Variants in GRM7 observed in about 807,000 individuals in gnomAD.
GRM7 encodes the protein metabotropic glutamate receptor 7.
A neutral mutation model predicts 84.5 loss-of-function variants in GRM7; 35 were observed. That is an observed-to-expected ratio of 0.41 (90% CI 0.32 to 0.55). GRM7 has a LOEUF of 0.55. Ranked by LOEUF, GRM7 falls within the 20% of genes least tolerant of loss-of-function variation. The pLI is 0.19. For synonymous variants in GRM7, 487 were observed against 455.1 expected (o/e 1.07, Z -0.89); for missense variants, 1,003 against 1,194.6 (o/e 0.84, Z 2.36).
chr3:6,966,277 G>T (rs151102194), intron 1 of GRM7, among the ~76,000 whole-genome samples: 3 of 152,288 alleles, frequency 2.0e-5, no homozygotes, highest in African/African-American at 7.2e-5. Context: ...TGAAAGAGTT[G>T]TGACAATGTA....
chr3:7,478,150 C>A (rs1216895573), intron 7 of GRM7, among the ~76,000 whole-genome samples: 3 of 152,048 alleles, frequency 2.0e-5, no homozygotes, highest in African/African-American at 7.2e-5. Context: ...ATTTTTCTTT[C>A]TTCTGCTCAC....
chr3:7,373,797 C>T (rs1694234738), intron 4 of GRM7, among the ~76,000 whole-genome samples: 2 of 152,178 alleles, frequency 1.3e-5, no homozygotes, highest in Non-Finnish European at 2.9e-5. Context: ...ACAGACCGTT[C>T]TGTGATGGTG....
chr3:7,178,828 C>G (rs1022954857), intron 2 of GRM7, among the ~76,000 whole-genome samples: 1 of 152,060 alleles, frequency 6.6e-6, no homozygotes, highest in African/African-American at 2.4e-5. Flanking sequence ...TGCCTGTAAT[C>G]CCAGCACTTT....
rs867775009 is a variant in GRM7 at position 7,410,608 on chromosome 3, C to T, written c.1034-4415C>T. ...ATATATATATATATATACACACACA[C>T]ACACACACACACACACAAATACACA... On this transcript the variant is annotated intron_variant, in intron 4 of 9. Transcript: ENST00000357716. Among the ~76,000 whole-genome samples, 798 of 148,334 alleles carry T rather than the reference C, an allele frequency of 5.4e-3. 6 individuals are homozygous for T. The highest frequency in any genetic ancestry group is 0.021 in the South Asian group (97 of 4,718).
At chr3:7,575,194 C>T (rs182508371) in intron 7 of GRM7, among the ~76,000 whole-genome samples, 29 of 152,268 alleles carry the variant, frequency 1.9e-4, no homozygotes, top group Admixed American at 1.9e-3. Context: ...GATCTCAGCC[C>T]TTCCCCAGGA....
At chr3:7,655,257 A>C (rs950932333) in intron 8 of GRM7, among the ~76,000 whole-genome samples, 9 of 152,236 alleles carry the variant, frequency 5.9e-5, no homozygotes, top group African/African-American at 1.9e-4. Flanking sequence ...AAGAGAAAAC[A>C]ATTTCTTGCA....
intron 7 of GRM7, among the ~76,000 whole-genome samples, chr3:7,558,994 A>G (rs1287585834): frequency 6.6e-6 from 1 of 152,154 alleles, no homozygotes; most frequent in Admixed American, 6.5e-5. Context: ...CCCTAATAGA[A>G]TTATTTTGGT....
intron 5 of GRM7, among the ~76,000 whole-genome samples, chr3:7,427,814 A>T (rs1368554673): frequency 2.6e-5 from 4 of 152,198 alleles, no homozygotes; most frequent in South Asian, 4.1e-4. Flanking sequence ...CAATCTGCAC[A>T]AGGTCACACA....
intron 1 of GRM7, among the ~76,000 whole-genome samples, chr3:7,048,180 A>C (rs576607280): frequency 3.3e-5 from 5 of 152,142 alleles, no homozygotes; most frequent in African/African-American, 9.6e-5. Context: ...GAGATAAGCA[A>C]AGTAACAGAT....
intron 8 of GRM7, among the ~76,000 whole-genome samples, chr3:7,638,895 C>G (rs781724797): frequency 1.3e-4 from 20 of 152,154 alleles, no homozygotes; most frequent in Non-Finnish European, 2.6e-4. Context: ...GGCAGAATCT[C>G]CCAAATGCTT....
At chr3:6,871,813 G>A (rs542965709) in intron 1 of GRM7, among the ~76,000 whole-genome samples, 1 of 151,986 alleles carries the variant, frequency 6.6e-6, no homozygotes, top group Non-Finnish European at 1.5e-5. Context: ...GGAAAGCAGC[G>A]TGTAGTAAAT....
At chr3:7,038,974 C>A (rs746489462) in intron 1 of GRM7, among the ~76,000 whole-genome samples, 1 of 152,140 alleles carries the variant, frequency 6.6e-6, no homozygotes, top group Non-Finnish European at 1.5e-5. Context: ...TGCAAATTCT[C>A]AGGCTCCATC....
intron 8 of GRM7, among the ~76,000 whole-genome samples, chr3:7,639,741 G>A (rs1229575693): frequency 6.6e-6 from 1 of 152,090 alleles, no homozygotes; most frequent in Non-Finnish European, 1.5e-5. Flanking sequence ...GCAGTGAAAT[G>A]TACAAGTCTT....
At chr3:7,570,054 C>G (rs1288111866) in intron 7 of GRM7, among the ~76,000 whole-genome samples, 1 of 152,150 alleles carries the variant, frequency 6.6e-6, no homozygotes, top group Non-Finnish European at 1.5e-5. Flanking sequence ...CATTCACTAT[C>G]ACAAGAACAG....
At chr3:6,888,039 G>A (rs1319441751) in intron 1 of GRM7, among the ~76,000 whole-genome samples, 1 of 152,200 alleles carries the variant, frequency 6.6e-6, no homozygotes, top group Non-Finnish European at 1.5e-5. Flanking sequence ...CTGTTGAGAA[G>A]TGTCTGTTCA....
chr3:6,909,529 A>G (rs532985684), intron 1 of GRM7, among the ~76,000 whole-genome samples: 1 of 152,124 alleles, frequency 6.6e-6, no homozygotes, highest in Non-Finnish European at 1.5e-5. Context: ...AGATCTCAGA[A>G]ATGTTAGTTA....
At chr3:7,349,154 G>T (rs950377602) in intron 4 of GRM7, among the ~76,000 whole-genome samples, 1 of 151,940 alleles carries the variant, frequency 6.6e-6, no homozygotes, top group Admixed American at 6.6e-5. Flanking sequence ...GTCGATTTCT[G>T]TGCTTCTGTC....
chr3:7,132,141 T>C (rs1308533372), intron 1 of GRM7, among the ~76,000 whole-genome samples: 1 of 152,212 alleles, frequency 6.6e-6, no homozygotes, highest in African/African-American at 2.4e-5. Context: ...TTGTTCTTTC[T>C]TCAGTGACCT....
In GRM7 at chr3:7,481,415, C is replaced by T. The variant is rs557676495; in HGVS notation, c.1515+19693C>T. ...GCCAATAAAGTCTTTATATATCAGC[C>T]TCCATAATTCTCAAGGCAAGTTCAA... is the stretch of plus-strand genomic sequence containing the variant. On this transcript the variant is annotated intron_variant, in intron 7 of 9. Coordinates refer to ENST00000357716, the MANE Select transcript of GRM7 (RefSeq NM_000844.4). Among the ~76,000 whole-genome samples the T allele has an allele frequency of 3.3e-5, 5 of 152,224 alleles. No individual in the cohort carries two copies. The East Asian group carries it at 9.7e-4, about 29-fold the overall frequency.
Sources: allele counts gnomAD v4.1 joint callset (sites outside exome capture counted in the v4.1 genomes callset), GRCh38; gene constraint gnomAD v4.1.1; transcripts MANE v1.5; gene names NCBI Gene and HGNC (gene_info 2026-07-23, HGNC 2026-07-21).